Variants in UNC13C observed in about 807,000 individuals in gnomAD.
UNC13C encodes the protein protein unc-13 homolog C.
In UNC13C, 174 loss-of-function variants were observed where a neutral mutation model predicts 245.4. The observed-to-expected ratio is 0.71, with a 90% CI of 0.63 to 0.80. The LOEUF is 0.80. Among genes scored for constraint, UNC13C ranks in the 30% least tolerant of loss-of-function variants. The probability of loss-of-function intolerance (pLI) is 0.00; values close to 1 mark genes in which losing one functional copy is unlikely to be tolerated. For missense variants in UNC13C, 2,829 were observed against 2,602.9 expected (o/e 1.09, Z -1.89); for synonymous variants, 992 against 895.1 (o/e 1.11, Z -1.93).
intron 30 of UNC13C, among the ~76,000 whole-genome samples, chr15:54,593,912 C>G (rs890955005): frequency 6.6e-6 from 1 of 152,108 alleles, no homozygotes; most frequent in Non-Finnish European, 1.5e-5. Flanking sequence ...CTTGTTTTGT[C>G]ATATTACCAG....
intron 19 of UNC13C, among the ~76,000 whole-genome samples, chr15:54,481,710 G>C (rs1893128713): frequency 6.6e-6 from 1 of 152,230 alleles, no homozygotes; most frequent in Non-Finnish European, 1.5e-5. Context: ...AAGCACCAGT[G>C]GTGGTGGGCA....
chr15:54,221,650 T>C (rs980891386), intron 4 of UNC13C, among the ~76,000 whole-genome samples: 1 of 149,258 alleles, frequency 6.7e-6, no homozygotes, highest in Non-Finnish European at 1.5e-5. Context: ...TGCTTTAATG[T>C]TCCATAATGC....
intron 19 of UNC13C, among the ~76,000 whole-genome samples, chr15:54,475,126 CT>C (rs536451345): frequency 1.4e-4 from 21 of 151,778 alleles, no homozygotes; most frequent in Non-Finnish European, 2.7e-4. Flanking sequence ...TCTGTTTTTT[CT>C]TTTGTTGCCT....
chr15:54,289,201 C>T (rs1482237224), intron 10 of UNC13C, among the ~76,000 whole-genome samples: 1 of 152,034 alleles, frequency 6.6e-6, no homozygotes, highest in East Asian at 1.9e-4. Flanking sequence ...TGGCTGCTCT[C>T]CTTTGCATCT....
intron 17 of UNC13C, among the ~76,000 whole-genome samples, chr15:54,347,699 T>TAC (rs1466847285): frequency 6.6e-6 from 1 of 152,176 alleles, no homozygotes; most frequent in Non-Finnish European, 1.5e-5. Flanking sequence ...GAAAATGTGC[T>TAC]ACCTACAAGT....
At chr15:54,608,506 A>G (rs758701458) in intron 30 of UNC13C, among the ~76,000 whole-genome samples, 26 of 152,236 alleles carry the variant, frequency 1.7e-4, no homozygotes, top group Non-Finnish European at 3.2e-4. Flanking sequence ...CTCTGAAGGT[A>G]CAGGATGTGA....
At position 54,475,285 on chromosome 15, in the gene UNC13C, TTATTATTATTA is replaced by T. The variant is rs1567307586; in HGVS notation, c.4934-19321_4934-19311del. Among the ~76,000 whole-genome samples, 326 of 103,704 alleles carry T rather than the reference TTATTATTATTA, an allele frequency of 3.1e-3. 2 individuals carry two copies. Among genetic ancestry groups the T allele is most frequent in the East Asian group, 0.018 (86 of 4,700 alleles). 68.0% of individuals were successfully genotyped at this position (103,704 alleles called of 152,430 possible). On this transcript the variant is annotated intron_variant, in intron 19 of 32. Coordinates refer to ENST00000260323, the MANE Select transcript of UNC13C (RefSeq NM_001080534.3). ...TGAGAGGGGTATGGTTTTTTGTTTATTATTATTATTATTATTATTATTATTATTATTATTAT... is the reference window on the plus strand; with the variant it reads ...TGAGAGGGGTATGGTTTTTTGTTTATTTATTATTATTATTATTATTATTAT...
At position 54,552,549 on chromosome 15, in the gene UNC13C, TTG is replaced by T. The variant is rs1566904754; in HGVS notation, c.5877+2860_5877+2861del. 7.9e-4 allele frequency among the ~76,000 whole-genome samples: 64 copies of T among 81,414 alleles called. 3 individuals are homozygous for T. Among genetic ancestry groups the T allele is most frequent in the African/African-American group, 3.3e-3 (60 of 18,004 alleles). The allele number at this position is 81,414 out of a possible 152,430, so 53.4% of individuals were successfully genotyped here. ...TATAATAATATAATTATATATTATA[TTG>T]TATATAATTATATATTATATATAAT... On this transcript the variant is annotated intron_variant, in intron 28 of 32. Transcript: ENST00000260323.
intron 17 of UNC13C, among the ~76,000 whole-genome samples, chr15:54,354,872 C>G (rs1246346141): frequency 6.6e-6 from 1 of 152,074 alleles, no homozygotes; most frequent in Non-Finnish European, 1.5e-5. Flanking sequence ...GATATAATCC[C>G]CGATGTGGCA....
intron 18 of UNC13C, 62 bp from the exon 19 acceptor site, chr15:54,414,920 G>T: frequency 3.6e-6 from 4 of 1,124,206 alleles, no homozygotes; most frequent in Non-Finnish European, 5.3e-6. Context: ...GTAAAATGCT[G>T]TATTTTGGTT....
chr15:54,413,656 A>T (rs1413522860), intron 18 of UNC13C, among the ~76,000 whole-genome samples: 3 of 152,216 alleles, frequency 2.0e-5, no homozygotes, highest in Non-Finnish European at 4.4e-5. Flanking sequence ...AATTGATAAA[A>T]TTGGCAGTCA....
At chr15:54,376,226 A>G (rs551910145) in intron 17 of UNC13C, among the ~76,000 whole-genome samples, 1 of 152,266 alleles carries the variant, frequency 6.6e-6, no homozygotes, top group South Asian at 2.1e-4. Flanking sequence ...ATTTATGTTT[A>G]TTTCAAAGAT....
intron 10 of UNC13C, among the ~76,000 whole-genome samples, chr15:54,285,681 A>G (rs1412836914): frequency 6.6e-6 from 1 of 152,218 alleles, no homozygotes. Flanking sequence ...GAGATCATTC[A>G]TAATTACTAG....
intron 31 of UNC13C, among the ~76,000 whole-genome samples, chr15:54,623,327 A>C (rs1173581597): frequency 1.3e-5 from 2 of 152,196 alleles, no homozygotes; most frequent in African/African-American, 2.4e-5. Context: ...TTAGAAAATT[A>C]GCCATGATAG....
chr15:54,072,935 G>A (rs942121382), intron 2 of UNC13C, among the ~76,000 whole-genome samples: 2 of 151,798 alleles, frequency 1.3e-5, no homozygotes, highest in Non-Finnish European at 1.5e-5. Context: ...AGAACATGTA[G>A]GTTTGTTACG....
At chr15:54,203,514 A>G (rs1451991411) in intron 4 of UNC13C, among the ~76,000 whole-genome samples, 1 of 144,448 alleles carries the variant, frequency 6.9e-6, no homozygotes, top group Non-Finnish European at 1.5e-5. Flanking sequence ...ACACACACAC[A>G]CACACATATA....
intron 17 of UNC13C, among the ~76,000 whole-genome samples, chr15:54,385,951 G>A (rs2039828697): frequency 6.6e-6 from 1 of 152,150 alleles, no homozygotes; most frequent in Non-Finnish European, 1.5e-5. Context: ...CTGCAAATGA[G>A]TGCTCAGGAG....
At chr15:54,321,336 T>C (rs912536140) in intron 13 of UNC13C, 2 of 472,000 alleles carry the variant, frequency 4.2e-6, no homozygotes, top group Admixed American at 4.4e-5. Flanking sequence ...TCCTTCAATG[T>C]CTTCTTTAAT....
intron 13 of UNC13C, among the ~76,000 whole-genome samples, chr15:54,301,341 A>G (rs1262152914): frequency 6.8e-6 from 1 of 146,988 alleles, no homozygotes; most frequent in South Asian, 2.1e-4. Context: ...CAGAATGTGC[A>G]TGTTTGTTAC....
Sources: allele counts gnomAD v4.1 joint callset (sites outside exome capture counted in the v4.1 genomes callset), GRCh38; gene constraint gnomAD v4.1.1; transcripts MANE v1.5; gene names NCBI Gene and HGNC (gene_info 2026-07-23, HGNC 2026-07-21).